NELL1: variants seen among roughly 807,000 people sequenced by gnomAD.
The protein encoded by NELL1 is neural EGFL like 1.
Under a neutral mutation model 107.4 loss-of-function variants are expected in NELL1, and 76 were observed. The observed-to-expected ratio is 0.71, with a 90% CI of 0.59 to 0.86. The LOEUF (loss-of-function observed/expected upper bound fraction) is 0.86, where lower values mean the gene tolerates loss of function less well. Among genes scored for constraint, NELL1 ranks in the 40% least tolerant of loss-of-function variants. The probability of loss-of-function intolerance (pLI) is 0.00; values close to 1 mark genes in which losing one functional copy is unlikely to be tolerated. For synonymous variants in NELL1, 353 were observed against 341.2 expected (o/e 1.03, Z -0.38); for missense variants, 1,024 against 1,005.5 (o/e 1.02, Z -0.25).
At chr11:20,876,744 C>G (rs780187777) in intron 4 of NELL1, among the ~76,000 whole-genome samples, 1 of 152,052 alleles carries the variant, frequency 6.6e-6, no homozygotes. Flanking sequence ...GCCTGGGGGA[C>G]AGAGGGAGAC....
At chr11:21,336,852 T>C (rs1221252702) in intron 14 of NELL1, among the ~76,000 whole-genome samples, 1 of 151,954 alleles carries the variant, frequency 6.6e-6, no homozygotes, top group East Asian at 1.9e-4. Context: ...ATTCTAGAAA[T>C]CACAGGAAAT....
At chr11:21,043,959 A>G (rs1853298223) in intron 12 of NELL1, among the ~76,000 whole-genome samples, 1 of 152,190 alleles carries the variant, frequency 6.6e-6, no homozygotes, top group African/African-American at 2.4e-5. Context: ...GATAAGCAGT[A>G]GAAGGTTGGA....
Position 21,575,480 on chromosome 11 carries a change from T to TA in NELL1, c.*459dup. 6.1e-6 allele frequency: 1 copy of TA among 163,300 alleles called. No homozygotes were observed. Among genetic ancestry groups the TA allele is most frequent in the East Asian group, 1.7e-4 (1 of 5,848 alleles). 10.1% of individuals were successfully genotyped at this position (163,300 alleles called of 1,614,324 possible). A position where few individuals can be genotyped will look rare whatever the true frequency, so the allele number is the denominator to read the frequency against. ...ACTTTTGTCCCATCTACTGCATACT[T>TA]AGTGCTGAGATCCCTGTAAAATGTT... On this transcript the variant is annotated 3_prime_UTR_variant, in exon 20 of 20. Transcript: ENST00000357134.
intron 3 of NELL1, among the ~76,000 whole-genome samples, chr11:20,802,224 T>C (rs190609751): frequency 6.6e-6 from 1 of 152,302 alleles, no homozygotes; most frequent in Admixed American, 6.5e-5. Flanking sequence ...GAATGTGGAA[T>C]GTTTTTCCAT....
chr11:21,022,960 C>G (rs1590551236), intron 12 of NELL1, among the ~76,000 whole-genome samples: 1 of 152,044 alleles, frequency 6.6e-6, no homozygotes, highest in East Asian at 1.9e-4. Flanking sequence ...AAAGAAGGGC[C>G]ACATGAGGAG....
intron 2 of NELL1, among the ~76,000 whole-genome samples, chr11:20,724,896 C>T (rs1855474552): frequency 6.6e-6 from 1 of 152,164 alleles, no homozygotes; most frequent in African/African-American, 2.4e-5. Context: ...TTAATTGACT[C>T]ACAGTTCTGA....
intron 13 of NELL1, among the ~76,000 whole-genome samples, chr11:21,143,416 G>A (rs185250558): frequency 1.3e-5 from 2 of 152,226 alleles, no homozygotes; most frequent in Non-Finnish European, 2.9e-5. Flanking sequence ...GAAAGAAAGG[G>A]GAAAGGAGAG....
chr11:20,830,913 C>G (rs1443315281), intron 3 of NELL1, among the ~76,000 whole-genome samples: 1 of 152,136 alleles, frequency 6.6e-6, no homozygotes, highest in Non-Finnish European at 1.5e-5. Flanking sequence ...CCCCACCCCC[C>G]AACACCACCA....
At chr11:21,472,660 A>G (rs1019556653) in intron 15 of NELL1, among the ~76,000 whole-genome samples, 1 of 152,012 alleles carries the variant, frequency 6.6e-6, no homozygotes, top group East Asian at 1.9e-4. Flanking sequence ...CAATTCCTAG[A>G]AAAAAACTAC....
chr11:21,427,004 C>T (rs1262399531), intron 15 of NELL1, among the ~76,000 whole-genome samples: 2 of 152,100 alleles, frequency 1.3e-5, no homozygotes, highest in Non-Finnish European at 2.9e-5. Context: ...AAAGCTGTTG[C>T]CCCCATGTAA....
At chr11:21,228,393 C>A (rs1351819854) in intron 13 of NELL1, among the ~76,000 whole-genome samples, 1 of 152,074 alleles carries the variant, frequency 6.6e-6, no homozygotes, top group Non-Finnish European at 1.5e-5. Context: ...CACTACATGG[C>A]AGGCAGATAC....
intron 14 of NELL1, among the ~76,000 whole-genome samples, chr11:21,366,370 T>C (rs557064227): frequency 6.6e-5 from 10 of 152,270 alleles, no homozygotes; most frequent in Non-Finnish European, 1.3e-4. Context: ...ATTTTAATGA[T>C]TTCCTTCCCA....
intron 13 of NELL1, among the ~76,000 whole-genome samples, chr11:21,202,875 A>G (rs1200789743): frequency 6.6e-6 from 1 of 151,756 alleles, no homozygotes; most frequent in Admixed American, 6.6e-5. Flanking sequence ...CCTTAATTTC[A>G]TTATTTACCC....
intron 3 of NELL1, among the ~76,000 whole-genome samples, chr11:20,828,046 G>T (rs1857922764): frequency 6.6e-6 from 1 of 151,278 alleles, no homozygotes; most frequent in South Asian, 2.1e-4. Flanking sequence ...TCATGGAGCA[G>T]AAAGGGCATC....
chr11:20,983,262 C>T (rs1851785212), intron 12 of NELL1, among the ~76,000 whole-genome samples: 1 of 152,154 alleles, frequency 6.6e-6, no homozygotes, highest in African/African-American at 2.4e-5. Context: ...CCTCTTGGCT[C>T]GCTTTCCTTT....
At chr11:20,959,561 C>T (rs1399277738) in intron 11 of NELL1, among the ~76,000 whole-genome samples, 2 of 151,982 alleles carry the variant, frequency 1.3e-5, no homozygotes, top group Admixed American at 1.3e-4. Flanking sequence ...GTGAAGTAAC[C>T]CAGGAATAGA....
chr11:21,272,690 T>G (rs1014200966), intron 14 of NELL1, among the ~76,000 whole-genome samples: 1 of 152,160 alleles, frequency 6.6e-6, no homozygotes, highest in Non-Finnish European at 1.5e-5. Flanking sequence ...GGCCTGGTAC[T>G]CCTCTCACAC....
intron 13 of NELL1, among the ~76,000 whole-genome samples, chr11:21,194,298 C>T (rs934189288): frequency 3.4e-5 from 5 of 149,246 alleles, no homozygotes; most frequent in Non-Finnish European, 4.4e-5. Context: ...CACAATGAAT[C>T]AATCAAGGCT....
chr11:20,883,309 G>A (rs375241134), intron 4 of NELL1, among the ~76,000 whole-genome samples: 4 of 152,166 alleles, frequency 2.6e-5, no homozygotes, highest in Non-Finnish European at 5.9e-5. Context: ...TAAGGCACAC[G>A]GAGCTATTAT....
Sources: gnomAD v4.1 joint callset for allele counts (sites outside exome capture counted in the v4.1 genomes callset) on GRCh38, gnomAD v4.1.1 for gene constraint, MANE v1.5 for transcripts, NCBI Gene and HGNC (gene_info 2026-07-23, HGNC 2026-07-21) for gene names.